The following COX5A variants were observed in gnomAD, a reference collection of about 807,000 sequenced individuals.
The protein encoded by COX5A is cytochrome c oxidase subunit 5A, mitochondrial.
In COX5A, 6 loss-of-function variants were observed where a neutral mutation model predicts 16.1. That is an observed-to-expected ratio of 0.37 (90% CI 0.20 to 0.73). The LOEUF is 0.73. Ranked by LOEUF, COX5A falls within the 30% of genes least tolerant of loss-of-function variation. The pLI is 0.50. For missense variants in COX5A, 159 were observed against 194.9 expected (o/e 0.82, Z 1.10); for synonymous variants, 73 against 73.8 (o/e 0.99, Z 0.06).
intron 3 of COX5A, among the ~76,000 whole-genome samples, chr15:74,926,200 C>T (rs1245779920): frequency 4.7e-5 from 7 of 148,344 alleles, no homozygotes; most frequent in South Asian, 2.5e-4. Flanking sequence ...CCACCACACC[C>T]GGCTAATTTT....
In COX5A at chr15:74,923,438, AAAG is replaced by A. The variant is rs1337934533; in HGVS notation, c.*9+207_*9+209del. Among the ~76,000 whole-genome samples the A allele has an allele frequency of 3.9e-5, 6 of 152,134 alleles. 1 individual carries two copies. On this transcript the variant is annotated intron_variant, in intron 4 of 4. Coordinates refer to ENST00000322347, the MANE Select transcript of COX5A (RefSeq NM_004255.4). The stretch of plus-strand genomic sequence containing the variant: ...CAAAAAAAAAAAGACGAAAGAAAGA[AAAG>A]AAGGAAAGAAAGAAAATAATGACAA...
chr15:74,923,041 A>G (rs932683474), intron 4 of COX5A, among the ~76,000 whole-genome samples: 1 of 152,224 alleles, frequency 6.6e-6, no homozygotes, highest in Non-Finnish European at 1.5e-5. Flanking sequence ...CAGACTCACT[A>G]TATTATCATC....
intron 4 of COX5A, among the ~76,000 whole-genome samples, chr15:74,921,955 A>G (rs537789824): frequency 6.6e-6 from 1 of 152,256 alleles, no homozygotes; most frequent in East Asian, 1.9e-4. Flanking sequence ...TGGAAGGCCA[A>G]GGTGGAAGGA....
chr15:74,927,599 C>A (rs910088273), intron 2 of COX5A, among the ~76,000 whole-genome samples: 2 of 151,912 alleles, frequency 1.3e-5, no homozygotes, highest in Admixed American at 1.3e-4. Context: ...ATGGAGAAAC[C>A]CTGTCTCTAT....
In COX5A at chr15:74,929,702, C is replaced by T. The variant is rs140153025; in HGVS notation, c.101-470G>A. 1.3e-3 allele frequency among the ~76,000 whole-genome samples: 202 copies of T among 152,148 alleles called. 1 individual carries two copies. The highest frequency in any genetic ancestry group is 3.7e-3 in the African/African-American group (153 of 41,520). The stretch of plus-strand genomic sequence containing the variant: ...TTACCCGAGCCCAGGAGTTCAAGGT[C>T]GTAGGGTGCTAACAATATGACAGAA... On this transcript the variant is annotated intron_variant, in intron 1 of 4. Transcript: ENST00000322347.
At position 74,926,824 on chromosome 15, in the gene COX5A, C is replaced by T. The variant is rs1280215238; in HGVS notation, c.281G>A (p.Arg94Gln). ...AAAATCATTTAACCGTCTGCATGCC[C>T]GCAAAGCAGCATCAATGATTTTGGG... ...PEPKIIDAAL[R>Q]ACRRLNDFAS... The change falls in exon 3 of 5, where the codon CGG (arginine) becomes CAG (glutamine). Residue 94 changes from arginine (R) to glutamine (Q), a missense_variant. Coordinates refer to ENST00000322347, the MANE Select transcript of COX5A (RefSeq NM_004255.4). 5 of 1,613,722 alleles carry T rather than the reference C, an allele frequency of 3.1e-6. No homozygotes were observed. The highest frequency in any genetic ancestry group is 2.2e-5 in the East Asian group (1 of 44,876).
In COX5A at chr15:74,926,980, T is replaced by A. The variant is rs1307620610; in HGVS notation, c.218-93A>T. 19 of 1,371,670 alleles carry A rather than the reference T, an allele frequency of 1.4e-5. No individual in the cohort carries two copies. The Admixed American group carries it at 4.1e-4, about 29-fold the overall frequency. The allele number at this position is 1,371,670 out of a possible 1,614,324, so 85.0% of individuals were successfully genotyped here. A position where few individuals can be genotyped will look rare whatever the true frequency, so the allele number is the denominator to read the frequency against. ...TTTTTACTGAATCACTGATGTATGA[T>A]CTTATCTGTCTGGGTCTCCATTCTC... On this transcript the variant is annotated intron_variant, in intron 2 of 4. Coordinates refer to ENST00000322347, the MANE Select transcript of COX5A (RefSeq NM_004255.4).
At chr15:74,934,534 C>T (rs1004968705) in intron 1 of COX5A, among the ~76,000 whole-genome samples, 3 of 152,102 alleles carry the variant, frequency 2.0e-5, no homozygotes, top group South Asian at 2.1e-4. Context: ...GGTTTCACCG[C>T]GTTAGCCAGG....
At chr15:74,936,229 G>A (rs2065389493) in intron 1 of COX5A, among the ~76,000 whole-genome samples, 1 of 151,940 alleles carries the variant, frequency 6.6e-6, no homozygotes, top group Non-Finnish European at 1.5e-5. Context: ...CCGTGCTATT[G>A]CACTCCAGCC....
chr15:74,934,365 C>CT (rs2065379896), intron 1 of COX5A, among the ~76,000 whole-genome samples: 1 of 150,866 alleles, frequency 6.6e-6, no homozygotes, highest in Non-Finnish European at 1.5e-5. Flanking sequence ...GAGTCTCACT[C>CT]TGTCGCCCAG....
Position 74,929,137 on chromosome 15 carries a change from C to T in COX5A, c.196G>A (p.Asp66Asn), listed in dbSNP as rs1473367867. Residue 66 changes from aspartate to asparagine, a missense_variant, in exon 2 of 5, where the codon GAT (aspartate) becomes AAT (asparagine). Physicochemically the swap from Asp to Asn is conservative, Grantham distance 23. Coordinates refer to ENST00000322347, the MANE Select transcript of COX5A (RefSeq NM_004255.4). ...WVTYFNKPDI[D>N]AWELRKGINT... ...TTACCTTTACGCAATTCCCAGGCAT[C>T]TATATCTGGCTTGTTGAAGTATGTT... 28 of 1,612,618 alleles carry T rather than the reference C, an allele frequency of 1.7e-5. No homozygotes were observed. The highest frequency in any genetic ancestry group is 2.2e-5 in the Non-Finnish European group (26 of 1,178,734).
chr15:74,925,412 G>A (rs1489403170), intron 3 of COX5A, among the ~76,000 whole-genome samples: 1 of 152,058 alleles, frequency 6.6e-6, no homozygotes, highest in Non-Finnish European at 1.5e-5. Context: ...TTGAGATGGA[G>A]TTTCTCTCTC....
intron 1 of COX5A, among the ~76,000 whole-genome samples, chr15:74,933,622 A>G (rs2065376617): frequency 6.6e-6 from 1 of 152,174 alleles, no homozygotes; most frequent in Non-Finnish European, 1.5e-5. Flanking sequence ...GCCTTAACTG[A>G]ATACTGAAAG....
chr15:74,937,723 G>A (rs944139808), intron 1 of COX5A, 192 bp downstream of exon 1: 1 of 379,912 alleles, frequency 2.6e-6, no homozygotes, highest in Non-Finnish European at 4.6e-6. Flanking sequence ...GTTGCGCGGG[G>A]GGAGGCCCCG....
intron 3 of COX5A, 84 bp downstream of exon 3, chr15:74,926,682 A>G: frequency 6.9e-7 from 1 of 1,440,090 alleles, no homozygotes; most frequent in Non-Finnish European, 9.3e-7. Flanking sequence ...GCATTTTAAC[A>G]AATTCAAAAA....
intron 1 of COX5A, among the ~76,000 whole-genome samples, chr15:74,931,046 A>AAAAAAT (rs2065365197): frequency 6.8e-6 from 1 of 148,118 alleles, no homozygotes; most frequent in African/African-American, 2.5e-5. Flanking sequence ...AAAAAAAAAA[A>AAAAAAT]TTCTCATGTT....
chr15:74,933,419 ATATCTATCTATCTATCTATCTATCTATC>A (rs56686416), intron 1 of COX5A, among the ~76,000 whole-genome samples: 1 of 143,394 alleles, frequency 7.0e-6, no homozygotes, highest in South Asian at 2.2e-4. Context: ...AAAAAAAAAA[ATATCTATCTATCTATCTATCTATCTATC>A]TATCTATCTA....
chr15:74,923,870 C>T (rs1488478669), intron 3 of COX5A, 100 bp from the exon 4 acceptor site: 1 of 731,488 alleles, frequency 1.4e-6, no homozygotes, highest in Non-Finnish European at 2.4e-6. Flanking sequence ...TATGCAGAGG[C>T]AGGTAGGACA....
At chr15:74,928,388 C>T (rs1029916234) in intron 2 of COX5A, among the ~76,000 whole-genome samples, 1 of 145,834 alleles carries the variant, frequency 6.9e-6, no homozygotes, top group Non-Finnish European at 1.5e-5. Flanking sequence ...TGTGTAAATT[C>T]TTTTTTTTTT....
Sources: allele counts gnomAD v4.1 joint callset (sites outside exome capture counted in the v4.1 genomes callset), GRCh38; gene constraint gnomAD v4.1.1; transcripts MANE v1.5; gene names NCBI Gene and HGNC (gene_info 2026-07-23, HGNC 2026-07-21).